CALB1: variants seen among roughly 807,000 people sequenced by gnomAD.
The protein encoded by CALB1 is calbindin 1.
Under a neutral mutation model 46.7 loss-of-function variants are expected in CALB1, and 16 were observed. That is an observed-to-expected ratio of 0.34 (90% CI 0.23 to 0.52). The LOEUF is 0.52. Ranked by LOEUF, CALB1 falls within the 20% of genes least tolerant of loss-of-function variation. The probability of loss-of-function intolerance (pLI) is 0.95; values close to 1 mark genes in which losing one functional copy is unlikely to be tolerated. For synonymous variants in CALB1, 90 were observed against 112.8 expected (o/e 0.80, Z 1.28); for missense variants, 224 against 300.3 (o/e 0.75, Z 1.88).
rs753581103 is a variant in CALB1 at position 90,060,707 on chromosome 8, G to A, written c.601-7C>T. 4.6e-5 allele frequency: 74 copies of A among 1,607,460 alleles called. No individual in the cohort carries two copies. Among genetic ancestry groups the A allele is most frequent in the Non-Finnish European group, 6.2e-5 (73 of 1,174,232 alleles). On this transcript the variant is annotated splice_polypyrimidine_tract_variant and splice_region_variant and intron_variant, in intron 9 of 10. Coordinates refer to ENST00000265431, the MANE Select transcript of CALB1 (RefSeq NM_004929.4). ...CTATGTATCCATTGCCGTCCTGGGG[G>A]AGGAGAAATAAAATAGTATACAACC... is the stretch of plus-strand genomic sequence containing the variant.
rs1035775672 is a variant in CALB1 at position 90,059,454 on chromosome 8, C to T, written c.*719G>A. The T allele has an allele frequency of 6.6e-6, 1 of 152,526 alleles. No homozygotes were observed. Among genetic ancestry groups the T allele is most frequent in the Non-Finnish European group, 1.5e-5 (1 of 68,022 alleles). The allele number at this position is 152,526 out of a possible 1,614,324, so 9.4% of individuals were successfully genotyped here. A position where few individuals can be genotyped will look rare whatever the true frequency, so the allele number is the denominator to read the frequency against. ...CAGTTGACTAGAATAATTTGCAACA[C>T]ATGAAAACAGTTTAGAAAATGGATT... On this transcript the variant is annotated 3_prime_UTR_variant, in exon 11 of 11. Coordinates refer to ENST00000265431, the MANE Select transcript of CALB1 (RefSeq NM_004929.4).
At chr8:90,076,118 T>C (rs1814619165) in intron 3 of CALB1, among the ~76,000 whole-genome samples, 1 of 152,100 alleles carries the variant, frequency 6.6e-6, no homozygotes, top group African/African-American at 2.4e-5. Flanking sequence ...TGTCTCCCTT[T>C]AAATTATTTC....
intron 9 of CALB1, 96 bp from the exon 10 acceptor site, chr8:90,060,796 C>T (rs1402078181): frequency 3.5e-5 from 35 of 1,006,448 alleles, no homozygotes; most frequent in Non-Finnish European, 4.8e-5. Flanking sequence ...TAGAAAGTCT[C>T]CCAACTGCAT....
chr8:90,082,151 T>A (rs1371050020), intron 1 of CALB1, 49 bp from the exon 2 acceptor site: 1 of 1,478,900 alleles, frequency 6.8e-7, no homozygotes, highest in Admixed American at 1.8e-5. Flanking sequence ...ATTCCAAGTG[T>A]CTTTCCCGTT....
chr8:90,066,068 G>A, intron 5 of CALB1, 93 bp from the exon 6 acceptor site: 1 of 810,294 alleles, frequency 1.2e-6, no homozygotes, highest in Non-Finnish European at 2.1e-6. Flanking sequence ...TACCAGGAAT[G>A]CAAAGAAAGT....
chr8:90,061,725 A>G (rs1387004106), intron 9 of CALB1: 2 of 152,116 alleles, frequency 1.3e-5, no homozygotes, highest in African/African-American at 4.8e-5. Context: ...AAACAAATGG[A>G]AAGACGTCCT....
intron 2 of CALB1, among the ~76,000 whole-genome samples, chr8:90,078,887 T>A (rs1181193935): frequency 6.6e-6 from 1 of 152,044 alleles, no homozygotes; most frequent in Non-Finnish European, 1.5e-5. Context: ...GAGAGTAATA[T>A]ATGTTTTCAT....
At chr8:90,066,638 G>C (rs1436340636) in intron 5 of CALB1, among the ~76,000 whole-genome samples, 2 of 152,080 alleles carry the variant, frequency 1.3e-5, no homozygotes, top group East Asian at 3.9e-4. Flanking sequence ...TATTAAAATA[G>C]AGATTAATGT....
intron 1 of CALB1, 136 bp from the exon 2 acceptor site, chr8:90,082,238 T>A (rs1814746460): frequency 4.1e-6 from 3 of 736,494 alleles, no homozygotes; most frequent in Non-Finnish European, 6.9e-6. Context: ...CAGCAAAGTG[T>A]ACAGACGGTG....
rs554735904 is a variant in CALB1 at position 90,078,281 on chromosome 8, G to A, written c.231+92C>T. On this transcript the variant is annotated intron_variant, in intron 3 of 10. Coordinates refer to ENST00000265431, the MANE Select transcript of CALB1 (RefSeq NM_004929.4). ...TTAGGTAAAATAAACTGTACTGAAT[G>A]GGTCTTGCTATATCTTACTTGACTT... is the stretch of plus-strand genomic sequence containing the variant. The A allele has an allele frequency of 1.3e-3, 941 of 742,262 alleles. 2 individuals carry two copies. The highest frequency in any genetic ancestry group is 1.7e-3 in the Non-Finnish European group (711 of 426,690). The allele number at this position is 742,262 out of a possible 1,614,324, so 46.0% of individuals were successfully genotyped here.
In CALB1 at chr8:90,058,700, C is replaced by T. The variant is rs928409052; in HGVS notation, c.*1473G>A. ...ACACGCTAAAGGCAAAGCCAATCTC[C>T]CACTCAACATCATTTGTTGAATTTT... On this transcript the variant is annotated 3_prime_UTR_variant, in exon 11 of 11. Transcript: ENST00000265431. The T allele has an allele frequency of 6.6e-6, 1 of 152,218 alleles. No homozygotes were observed. The highest frequency in any genetic ancestry group is 1.5e-5 in the Non-Finnish European group (1 of 68,038). 9.4% of individuals were successfully genotyped at this position (152,218 alleles called of 1,614,324 possible). A position where few individuals can be genotyped will look rare whatever the true frequency, so the allele number is the denominator to read the frequency against.
intron 6 of CALB1, among the ~76,000 whole-genome samples, chr8:90,065,542 G>A: frequency 6.6e-6 from 1 of 151,652 alleles, no homozygotes; most frequent in Non-Finnish European, 1.5e-5. Context: ...AGTTTTTGGT[G>A]ATATAATTTA....
rs1814752763 is a variant in CALB1 at position 90,082,624 on chromosome 8, G to A, written c.74C>T (p.Ala25Val). The A allele has an allele frequency of 6.2e-7, 1 of 1,613,044 alleles. No homozygotes were observed. Among genetic ancestry groups the A allele is most frequent in the African/African-American group, 1.3e-5 (1 of 74,882 alleles). Residue 25 changes from alanine to valine, a missense_variant, in exon 1 of 11, where the codon GCT becomes GTT. By Grantham distance (64) the Ala-to-Val change is moderately conservative (BLOSUM62 0). Coordinates refer to ENST00000265431, the MANE Select transcript of CALB1 (RefSeq NM_004929.4). ...QFFEIWLHFD[A>V]DGSGYLEGKE... ...TAAAAAGAGAAGATAATCACCGTCAGCGTCGAAATGGAGCCAGATCTCGAA... is the reference window on the plus strand; with the variant it reads ...TAAAAAGAGAAGATAATCACCGTCAACGTCGAAATGGAGCCAGATCTCGAA...
In CALB1 at chr8:90,081,500, A is replaced by G. The variant is rs180672300; in HGVS notation, c.156+526T>C. On this transcript the variant is annotated intron_variant, in intron 2 of 10. Transcript: ENST00000265431. ...TAATTGGTGATAGAGTAAGAGATCC[A>G]TAATCTGCAGATCTGTTTCTTGACC... 4 of 979,956 alleles carry G rather than the reference A, an allele frequency of 4.1e-6. No homozygotes were observed. In the East Asian group the frequency reaches 4.5e-4, roughly 111 times the overall value. The allele number at this position is 979,956 out of a possible 1,614,324, so 60.7% of individuals were successfully genotyped here.
At chr8:90,061,547 TAAC>T (rs1341604477) in intron 9 of CALB1, 2 of 152,140 alleles carry the variant, frequency 1.3e-5, no homozygotes, top group African/African-American at 4.8e-5. Context: ...GATGCAAAAT[TAAC>T]AATCAGAAAT....
At chr8:90,071,264 A>G (rs1455260437) in intron 3 of CALB1, among the ~76,000 whole-genome samples, 1 of 152,156 alleles carries the variant, frequency 6.6e-6, no homozygotes, top group Non-Finnish European at 1.5e-5. Flanking sequence ...AATCTAGAAC[A>G]CCATTTTCCT....
intron 3 of CALB1, among the ~76,000 whole-genome samples, chr8:90,070,837 A>AGTGTGTGTGTGTGTGTGT (rs35368479): frequency 8.2e-6 from 1 of 121,624 alleles, no homozygotes; most frequent in African/African-American, 3.0e-5. Flanking sequence ...GCATCATTGC[A>AGTGTGTGTGTGTGTGTGT]GTGTGTGTGT....
intron 5 of CALB1, among the ~76,000 whole-genome samples, chr8:90,068,280 T>A (rs1814435930): frequency 6.6e-6 from 1 of 152,226 alleles, no homozygotes; most frequent in Non-Finnish European, 1.5e-5. Flanking sequence ...ATTAATGAGT[T>A]AAGACTTGAT....
chr8:90,079,430 A>G (rs771717581), intron 2 of CALB1, among the ~76,000 whole-genome samples: 1 of 152,060 alleles, frequency 6.6e-6, no homozygotes, highest in Non-Finnish European at 1.5e-5. Context: ...ACTATGGATA[A>G]ATTACAATTT....
Sources: gnomAD v4.1 joint callset for allele counts (sites outside exome capture counted in the v4.1 genomes callset) on GRCh38, gnomAD v4.1.1 for gene constraint, MANE v1.5 for transcripts, NCBI Gene and HGNC (gene_info 2026-07-23, HGNC 2026-07-21) for gene names.